PCDHGA4: variants seen among roughly 807,000 people sequenced by gnomAD.
PCDHGA4 encodes protocadherin gamma subfamily A, 4.
Under a neutral mutation model 54.6 loss-of-function variants are expected in PCDHGA4, and 38 were observed. The ratio of observed to expected loss-of-function variants is 0.70; its 90% CI spans 0.54 to 0.91. The LOEUF (loss-of-function observed/expected upper bound fraction) is 0.91, where lower values mean the gene tolerates loss of function less well. PCDHGA4 is among the 40% of genes least tolerant of loss of function. The probability of loss-of-function intolerance (pLI) is 0.00; values close to 1 mark genes in which losing one functional copy is unlikely to be tolerated. For missense variants in PCDHGA4, 1,298 were observed against 1,220.9 expected, an observed-to-expected ratio of 1.06 and a Z score of -0.94; for synonymous variants, 511 against 512.9, an observed-to-expected ratio of 1.00 and a Z score of 0.05.
intron 1 of PCDHGA4, chr5:141,364,769 G>C (rs755884627): frequency 6.2e-7 from 1 of 1,614,012 alleles, no homozygotes; most frequent in South Asian, 1.1e-5. Flanking sequence ...TGAAAATGCG[G>C]CTGCAGGGAC....
chr5:141,365,663 G>C lies in PCDHGA4; in HGVS notation c.2514+8042G>C, dbSNP rs117201633. The stretch of plus-strand genomic sequence containing the variant: ...CCACATCCCCTTGAAAGTAGCAGAC[G>C]TTAATGACAACCCACCCAATTTCCC... On this transcript the variant is annotated intron_variant, in intron 1 of 3. Transcript: ENST00000571252. 4.9e-5 allele frequency: 79 copies of C among 1,613,390 alleles called. No individual in the cohort carries two copies. The East Asian group carries it at 1.3e-3, about 26-fold the overall frequency.
chr5:141,375,475 C>T (rs774489564), intron 1 of PCDHGA4: 2 of 1,614,002 alleles, frequency 1.2e-6, no homozygotes, highest in East Asian at 2.2e-5. Context: ...TCCTTGAAAA[C>T]AACCCCAGGG....
Position 141,476,165 on chromosome 5 carries a change from G to A in PCDHGA4, c.2515-18642G>A. ...CGGACTGGTAAGCACCGGGAGGGTA[G>A]TGGGAGTTTTGCTTCTGCTTGGTGC... On this transcript the variant is annotated intron_variant, in intron 1 of 3. Coordinates refer to ENST00000571252, the MANE Select transcript of PCDHGA4 (RefSeq NM_018917.4). This position sits in a 1 kb window ranked among gnomAD's most constrained non-coding sequence, Gnocchi z 7.6. 1 of 1,613,228 alleles carries A rather than the reference G, an allele frequency of 6.2e-7. No homozygotes were observed.
At chr5:141,399,511 C>T in intron 1 of PCDHGA4, 1 of 1,614,042 alleles carries the variant, frequency 6.2e-7, no homozygotes, top group Non-Finnish European at 8.5e-7. Context: ...CGAAAACAAC[C>T]CTCCTGGGGC....
chr5:141,500,521 A>T lies in PCDHGA4; in HGVS notation c.2574-4872A>T, dbSNP rs185546944. 3.7e-3 allele frequency among the ~76,000 whole-genome samples: 560 copies of T among 152,176 alleles called. 5 individuals are homozygous for T. Among genetic ancestry groups the T allele is most frequent in the Admixed American group, 0.011 (162 of 15,280 alleles). On this transcript the variant is annotated intron_variant, in intron 2 of 3. Coordinates refer to ENST00000571252, the MANE Select transcript of PCDHGA4 (RefSeq NM_018917.4). Reference sequence around the variant, plus strand: ...ACCGCGCCTGGCCGAGCTTCATTTTAAAAAAATCTCATTCACCTAAATAAG... The same window carrying T: ...ACCGCGCCTGGCCGAGCTTCATTTTTAAAAAATCTCATTCACCTAAATAAG...
intron 1 of PCDHGA4, chr5:141,389,837 AC>A (rs2091936174): frequency 6.2e-7 from 1 of 1,613,842 alleles, no homozygotes. Flanking sequence ...GACAGCCACC[AC>A]TCTCGGCCAC....
intron 1 of PCDHGA4, chr5:141,360,159 C>A (rs1325055088): frequency 9.3e-6 from 15 of 1,604,390 alleles, no homozygotes; most frequent in East Asian, 2.2e-5. Flanking sequence ...CAGGGAGGTG[C>A]GGGCTGGTGC....
At chr5:141,481,879 A>G (rs1204365605) in intron 1 of PCDHGA4, among the ~76,000 whole-genome samples, 1 of 144,890 alleles carries the variant, frequency 6.9e-6, no homozygotes, top group Non-Finnish European at 1.5e-5. Context: ...GCGCCACTGC[A>G]CTCCAGCCTG....
chr5:141,437,693 C>G (rs1305650032), intron 1 of PCDHGA4, among the ~76,000 whole-genome samples: 1 of 151,638 alleles, frequency 6.6e-6, no homozygotes, highest in African/African-American at 2.4e-5. Context: ...GAGGCTAAAT[C>G]TCAAGAAAGA....
In PCDHGA4 at chr5:141,355,045, A is replaced by G. The variant is rs991621511; in HGVS notation, c.-63A>G. Reference sequence around the variant, plus strand: ...CAGAATCACAAGATTTCTGCAGCACAAAGCACTGGCTCTGGAGCTTTATGA... The same window carrying G: ...CAGAATCACAAGATTTCTGCAGCACGAAGCACTGGCTCTGGAGCTTTATGA... On this transcript the variant is annotated 5_prime_UTR_variant, in exon 1 of 4. Coordinates refer to ENST00000571252, the MANE Select transcript of PCDHGA4 (RefSeq NM_018917.4). The G allele has an allele frequency of 2.6e-6, 3 of 1,146,988 alleles. No homozygotes were observed. In the African/African-American group the frequency reaches 4.7e-5, roughly 18 times the overall value. The allele number at this position is 1,146,988 out of a possible 1,614,324, so 71.1% of individuals were successfully genotyped here.
chr5:141,369,621 C>T (rs1255765224), intron 1 of PCDHGA4, among the ~76,000 whole-genome samples: 2 of 152,294 alleles, frequency 1.3e-5, no homozygotes, highest in East Asian at 1.9e-4. Flanking sequence ...ATCATTTCCT[C>T]ATTACCTTTA....
chr5:141,362,140 C>A (rs1762345318), intron 1 of PCDHGA4: 2 of 1,614,056 alleles, frequency 1.2e-6, no homozygotes, highest in Non-Finnish European at 1.7e-6. Context: ...GGATAGCCTG[C>A]AAGAGGTATT....
intron 1 of PCDHGA4, chr5:141,427,617 G>C (rs1295636754): frequency 1.4e-6 from 1 of 694,694 alleles, no homozygotes. Context: ...TGAAGTCAAC[G>C]ACAATGCTCC....
chr5:141,418,998 G>A (rs757681244), intron 1 of PCDHGA4: 4 of 1,613,940 alleles, frequency 2.5e-6, no homozygotes, highest in South Asian at 2.2e-5. Context: ...GGGGAAAATG[G>A]GGAAGTCAGG....
In PCDHGA4 at chr5:141,490,296, G is replaced by T; in HGVS notation, c.2515-4511G>T. The stretch of plus-strand genomic sequence containing the variant: ...ATGACAATGCCCCAGAGGTGCTATT[G>T]GCCTCTTTGGCCAACCCTGTCCTAG... On this transcript the variant is annotated intron_variant, in intron 1 of 3. Coordinates refer to ENST00000571252, the MANE Select transcript of PCDHGA4 (RefSeq NM_018917.4). This position sits in a 1 kb window ranked among gnomAD's most constrained non-coding sequence, Gnocchi z 5.4. 6.2e-7 allele frequency: 1 copy of T among 1,614,184 alleles called. No homozygotes were observed. Among genetic ancestry groups the T allele is most frequent in the South Asian group, 1.1e-5 (1 of 91,084 alleles).
intron 1 of PCDHGA4, chr5:141,419,095 G>A (rs1478382101): frequency 1.2e-6 from 2 of 1,613,816 alleles, no homozygotes; most frequent in African/African-American, 2.7e-5. Context: ...CCCTGGATCG[G>A]GAGCAGACCC....
At position 141,491,765 on chromosome 5, in the gene PCDHGA4, A is replaced by C; in HGVS notation, c.2515-3042A>C. 1 of 1,569,230 alleles carries C rather than the reference A, an allele frequency of 6.4e-7. No homozygotes were observed. On this transcript the variant is annotated intron_variant, in intron 1 of 3. Coordinates refer to ENST00000571252, the MANE Select transcript of PCDHGA4 (RefSeq NM_018917.4). This position sits in a 1 kb window ranked among gnomAD's most constrained non-coding sequence, Gnocchi z 6.9. The stretch of plus-strand genomic sequence containing the variant: ...GGCACTGGAGAAGCCGCCCGTCCTC[A>C]TAAGGGATTGAACTTGCATCCACTC...
At chr5:141,500,914 G>T (rs1237339394) in intron 2 of PCDHGA4, among the ~76,000 whole-genome samples, 2 of 151,130 alleles carry the variant, frequency 1.3e-5, no homozygotes, top group Non-Finnish European at 2.9e-5. Flanking sequence ...CTGTCTCCAG[G>T]CTGGGGTGCA....
At chr5:141,371,350 T>C in intron 1 of PCDHGA4, 1 of 1,613,854 alleles carries the variant, frequency 6.2e-7, no homozygotes, top group Non-Finnish European at 8.5e-7. Context: ...ACAATTGGGG[T>C]GGAAGCAAAG....
Sources: allele counts gnomAD v4.1 joint callset (sites outside exome capture counted in the v4.1 genomes callset), GRCh38; gene constraint gnomAD v4.1.1; non-coding constraint Gnocchi (gnomAD v3.1); transcripts MANE v1.5; gene names NCBI Gene and HGNC (gene_info 2026-07-23, HGNC 2026-07-21).